CAPRIN1: variants seen among roughly 807,000 people sequenced by gnomAD.
CAPRIN1 encodes cell cycle associated protein 1, also known as caprin-1.
CAPRIN1 carries 29 observed loss-of-function variants against 100.9 expected under a neutral mutation model. That is an observed-to-expected ratio of 0.29 (90% confidence interval 0.21 to 0.39). CAPRIN1 has a LOEUF of 0.39. Ranked by LOEUF, CAPRIN1 falls within the 10% of genes least tolerant of loss-of-function variation. The pLI, the probability that CAPRIN1 is intolerant of heterozygous loss-of-function variation, is 1.00. For synonymous variants in CAPRIN1, 338 were observed against 307.5 expected (o/e 1.10, Z -1.04); for missense variants, 795 against 876.7 (o/e 0.91, Z 1.18).
chr11:34,052,925 A>G (rs1306921163), intron 2 of CAPRIN1: 3 of 1,269,660 alleles, frequency 2.4e-6, no homozygotes, highest in Admixed American at 3.8e-5. Flanking sequence ...TAGGAGTGGG[A>G]CATGTGAGGG....
chr11:34,090,299 G>A lies in CAPRIN1; in HGVS notation c.1404+10G>A. The A allele has an allele frequency of 6.4e-7, 1 of 1,570,576 alleles. No homozygotes were observed. Among genetic ancestry groups the A allele is most frequent in the Non-Finnish European group, 8.8e-7 (1 of 1,140,668 alleles). On this transcript the variant is annotated intron_variant, in intron 13 of 18. Coordinates refer to ENST00000341394, the MANE Select transcript of CAPRIN1 (RefSeq NM_005898.5). ...AATTGATCAGATTCAGGCAAGTTCTGTTACCGGGTCACATACATTTGATGA... is the reference window on the plus strand; with the variant it reads ...AATTGATCAGATTCAGGCAAGTTCTATTACCGGGTCACATACATTTGATGA...
At position 34,101,310 on chromosome 11, in the gene CAPRIN1, GA is replaced by G. The variant is rs1851450377; in HGVS notation, c.*1944del. Among the ~76,000 whole-genome samples the G allele has an allele frequency of 6.6e-6, 1 of 152,082 alleles. No homozygotes were observed. Among genetic ancestry groups the G allele is most frequent in the African/African-American group, 2.4e-5 (1 of 41,426 alleles). On this transcript the variant is annotated 3_prime_UTR_variant, in exon 19 of 19. Transcript: ENST00000341394. Reference sequence around the variant, plus strand: ...ATGTTACCTGTATCTTAGGGGAATGGATAAAATATTTGTGGTTTACTGGGTA... The same window carrying G: ...ATGTTACCTGTATCTTAGGGGAATGGTAAAATATTTGTGGTTTACTGGGTA...
rs148801946 is a variant in CAPRIN1, at chr11:34,087,844, C to T, written c.1231+1431C>T. 1.6e-3 allele frequency among the ~76,000 whole-genome samples: 238 copies of T among 152,274 alleles called. 1 individual carries two copies. Among genetic ancestry groups the T allele is most frequent in the African/African-American group, 5.2e-3 (217 of 41,562 alleles). Reference sequence around the variant, plus strand: ...TTTACATAATGCTGAGTCCATTAGACTCTCCAGTGAAAATGGGTACTTTCT... The same window carrying T: ...TTTACATAATGCTGAGTCCATTAGATTCTCCAGTGAAAATGGGTACTTTCT... On this transcript the variant is annotated intron_variant, in intron 11 of 18. Transcript: ENST00000341394.
At chr11:34,077,026 C>T (rs991386084) in intron 6 of CAPRIN1, among the ~76,000 whole-genome samples, 13 of 152,136 alleles carry the variant, frequency 8.5e-5, no homozygotes, top group African/African-American at 2.9e-4. Flanking sequence ...TGAGCCACTG[C>T]GCCCAGCTAG....
At chr11:34,082,909 T>C (rs1209067287) in intron 8 of CAPRIN1, 32 bp downstream of exon 8, 2 of 1,613,154 alleles carry the variant, frequency 1.2e-6, no homozygotes, top group African/African-American at 1.3e-5. Context: ...GCCTTTACTT[T>C]GCTGCCTTTC....
intron 2 of CAPRIN1, chr11:34,053,112 G>T (rs1472898321): frequency 1.0e-6 from 1 of 1,000,726 alleles, no homozygotes; most frequent in Non-Finnish European, 1.2e-6. Context: ...CTGTCCGCTC[G>T]GTTACCATGC....
At chr11:34,069,906 C>T (rs1338188346) in intron 2 of CAPRIN1, among the ~76,000 whole-genome samples, 7 of 31,986 alleles carry the variant, frequency 2.2e-4, no homozygotes, top group Non-Finnish European at 4.3e-4. Flanking sequence ...ATCATTTGAC[C>T]TAAAAAAAAA....
chr11:34,081,872 C>T (rs1025787370), intron 7 of CAPRIN1, among the ~76,000 whole-genome samples: 2 of 151,706 alleles, frequency 1.3e-5, no homozygotes, highest in Non-Finnish European at 2.9e-5. Flanking sequence ...AGTGCAGTGG[C>T]GCGATCTCAG....
chr11:34,052,359 C>T (rs1565078352), intron 1 of CAPRIN1, 62 bp from the exon 2 acceptor site: 4 of 1,372,120 alleles, frequency 2.9e-6, no homozygotes, highest in South Asian at 1.2e-5. Context: ...CCCCGTCCGT[C>T]TCCTGACTGG....
At chr11:34,097,831 T>C in intron 18 of CAPRIN1, 70 bp downstream of exon 18, 1 of 1,612,518 alleles carries the variant, frequency 6.2e-7, no homozygotes, top group Non-Finnish European at 8.5e-7. Context: ...GAGCTGTTAA[T>C]AGTCTGCATG....
At chr11:34,091,714 C>CA in intron 14 of CAPRIN1, 192 bp from the exon 15 acceptor site, 3 of 538,346 alleles carry the variant, frequency 5.6e-6, no homozygotes, top group Non-Finnish European at 9.8e-6. Flanking sequence ...CCTTTAAGTA[C>CA]TATATGGTAT....
chr11:34,057,129 C>T (rs983825203), intron 2 of CAPRIN1, among the ~76,000 whole-genome samples: 4 of 152,136 alleles, frequency 2.6e-5, no homozygotes, highest in African/African-American at 9.7e-5. Context: ...AAAATCTTTC[C>T]TTGAGGCTAT....
At chr11:34,078,837 T>TA (rs1850956366) in intron 6 of CAPRIN1, among the ~76,000 whole-genome samples, 2 of 152,204 alleles carry the variant, frequency 1.3e-5, no homozygotes, top group Non-Finnish European at 2.9e-5. Context: ...TTGTAGCACT[T>TA]ACCTAGGGAA....
intron 2 of CAPRIN1, 44 bp downstream of exon 2, chr11:34,052,680 C>G: frequency 6.5e-7 from 1 of 1,546,084 alleles, no homozygotes. Flanking sequence ...TGCGGCCGGG[C>G]TCTGCGGCCC....
rs1590749799 is a variant in CAPRIN1 at position 34,097,398 on chromosome 11, C to G, written c.2001+102C>G. On this transcript the variant is annotated intron_variant, in intron 17 of 18. Coordinates refer to ENST00000341394, the MANE Select transcript of CAPRIN1 (RefSeq NM_005898.5). ...ACCTAAGTAACTAATTTGGCGTTAA[C>G]TTTGTGGTGTCCAAGACACTCTGTT... is the stretch of plus-strand genomic sequence containing the variant. The G allele has an allele frequency of 2.0e-5, 20 of 976,622 alleles. No homozygotes were observed. In the East Asian group the frequency reaches 4.9e-4, roughly 24 times the overall value. 60.5% of individuals were successfully genotyped at this position (976,622 alleles called of 1,614,324 possible).
chr11:34,085,601 A>G (rs538949871), intron 9 of CAPRIN1, among the ~76,000 whole-genome samples: 2 of 152,302 alleles, frequency 1.3e-5, no homozygotes, highest in South Asian at 4.1e-4. Flanking sequence ...CAGGAGTTCA[A>G]GACCAGCCTG....
intron 2 of CAPRIN1, among the ~76,000 whole-genome samples, chr11:34,055,180 A>G (rs1311753102): frequency 1.3e-5 from 2 of 151,928 alleles, no homozygotes; most frequent in Non-Finnish European, 2.9e-5. Context: ...TTTGAGATGA[A>G]TCTCTGTTGC....
Position 34,087,539 on chromosome 11 carries a change from T to G in CAPRIN1, c.1231+1126T>G, listed in dbSNP as rs967387904. On this transcript the variant is annotated intron_variant, in intron 11 of 18. Transcript: ENST00000341394. ...TAGTAGAGACGGGGTTTCACTGTTT[T>G]AGCCGGGATGGTCTCGATCTCCTGA... 1.3e-4 allele frequency among the ~76,000 whole-genome samples: 16 copies of G among 124,366 alleles called. 2 individuals are homozygous for G. The highest frequency in any genetic ancestry group is 1.9e-4 in the Non-Finnish European group (11 of 56,792). 81.6% of individuals were successfully genotyped at this position (124,366 alleles called of 152,430 possible).
At chr11:34,052,312 A>C in intron 1 of CAPRIN1, 109 bp from the exon 2 acceptor site, 3 of 913,898 alleles carry the variant, frequency 3.3e-6, no homozygotes, top group Non-Finnish European at 5.0e-6. Context: ...CCGCTCGCGT[A>C]GGCTACCGCT....
Sources: allele counts gnomAD v4.1 joint callset (sites outside exome capture counted in the v4.1 genomes callset), GRCh38; gene constraint gnomAD v4.1.1; transcripts MANE v1.5; gene names NCBI Gene and HGNC (gene_info 2026-07-23, HGNC 2026-07-21).